IGF1R: variants seen among roughly 807,000 people sequenced by gnomAD.
IGF1R encodes insulin-like growth factor 1 receptor.
In IGF1R, 44 loss-of-function variants were observed where a neutral mutation model predicts 144.6. The observed-to-expected ratio is 0.30, with a 90% CI of 0.24 to 0.39. IGF1R has a LOEUF of 0.39. IGF1R is among the 10% of genes least tolerant of loss of function. IGF1R has a pLI of 1.00. For missense variants in IGF1R, 1,355 were observed against 1,833.7 expected, an observed-to-expected ratio of 0.74 and a Z score of 4.77; for synonymous variants, 795 against 722.8, an observed-to-expected ratio of 1.10 and a Z score of -1.60.
chr15:98,899,669 AG>A, intron 5 of IGF1R, 48 bp downstream of exon 5: 4 of 1,590,150 alleles, frequency 2.5e-6, no homozygotes, highest in Non-Finnish European at 3.5e-6. Context: ...CAAAATAAGC[AG>A]CGTGCTTATG....
Position 98,649,506 on chromosome 15 carries a change from CCTTT to C in IGF1R, c.-75_-72del, listed in dbSNP as rs1387658540. ...GTTTGAGACTTGTTTCCTTTCATTT[CCTTT>C]TTTTCTTTTCTTTTCTTTTTTTTTT... On this transcript the variant is annotated 5_prime_UTR_variant, in exon 1 of 21. Transcript: ENST00000650285. The C allele has an allele frequency of 3.9e-6, 4 of 1,026,524 alleles. No individual in the cohort carries two copies. Among genetic ancestry groups the C allele is most frequent in the African/African-American group, 1.7e-5 (1 of 58,248 alleles). The allele number at this position is 1,026,524 out of a possible 1,614,324, so 63.6% of individuals were successfully genotyped here.
intron 1 of IGF1R, among the ~76,000 whole-genome samples, chr15:98,678,264 G>T (rs1422720334): frequency 6.6e-6 from 1 of 152,064 alleles, no homozygotes; most frequent in Non-Finnish European, 1.5e-5. Context: ...ATTAAATTTG[G>T]TTTGCTAACA....
chr15:98,829,707 A>T (rs115447703), intron 2 of IGF1R, among the ~76,000 whole-genome samples: 1,565 of 152,298 alleles, frequency 0.01, 25 homozygotes, highest in African/African-American at 0.035. Context: ...ATCTTTTTAT[A>T]TGCAGCAATT....
chr15:98,944,511 C>T (rs1284979319), intron 19 of IGF1R, among the ~76,000 whole-genome samples: 2 of 152,218 alleles, frequency 1.3e-5, no homozygotes, highest in Non-Finnish European at 1.5e-5. Flanking sequence ...AAGGCTAGGG[C>T]GTTGGAGCAG....
chr15:98,923,859 C>T lies in IGF1R; in HGVS notation c.2486-17C>T, dbSNP rs772705058. On this transcript the variant is annotated splice_polypyrimidine_tract_variant and intron_variant, in intron 11 of 20. Coordinates refer to ENST00000650285, the MANE Select transcript of IGF1R (RefSeq NM_000875.5). ...GGGAACCCAAATCCAACTTTGTCAC[C>T]TGTTTAAATTGTACAGAAGGAGCAG... 1.9e-6 allele frequency: 3 copies of T among 1,613,090 alleles called. No homozygotes were observed. Among genetic ancestry groups the T allele is most frequent in the South Asian group, 1.1e-5 (1 of 91,044 alleles).
chr15:98,952,842 C>G (rs567893639), intron 20 of IGF1R: 2 of 152,132 alleles, frequency 1.3e-5, no homozygotes, highest in African/African-American at 2.4e-5. Flanking sequence ...GCTTTGCCAT[C>G]GAGAATTTTT....
intron 2 of IGF1R, among the ~76,000 whole-genome samples, chr15:98,786,274 AC>A (rs1330555167): frequency 6.6e-6 from 1 of 152,254 alleles, no homozygotes; most frequent in Non-Finnish European, 1.5e-5. Flanking sequence ...ACCTGAGGGT[AC>A]ATACAGTGTG....
chr15:98,878,998 A>G (rs2013227758), intron 2 of IGF1R, among the ~76,000 whole-genome samples: 1 of 151,610 alleles, frequency 6.6e-6, no homozygotes, highest in African/African-American at 2.4e-5. Flanking sequence ...TCTGACTCAA[A>G]GAAAAAAAAA....
chr15:98,880,410 G>A (rs2013311360), intron 2 of IGF1R, among the ~76,000 whole-genome samples: 1 of 152,126 alleles, frequency 6.6e-6, no homozygotes, highest in South Asian at 2.1e-4. Context: ...ACTCTGCCCA[G>A]CGTTGCGTGT....
intron 2 of IGF1R, among the ~76,000 whole-genome samples, chr15:98,869,208 A>C (rs1344431011): frequency 6.6e-6 from 1 of 152,188 alleles, no homozygotes; most frequent in Non-Finnish European, 1.5e-5. Context: ...ATCCGCCAGG[A>C]AACTCCCTTC....
chr15:98,894,696 G>A (rs2014092808), intron 3 of IGF1R, among the ~76,000 whole-genome samples: 2 of 152,206 alleles, frequency 1.3e-5, no homozygotes, highest in African/African-American at 4.8e-5. Context: ...CTGAGGTCAA[G>A]AGTTTGAGAC....
intron 2 of IGF1R, among the ~76,000 whole-genome samples, chr15:98,777,228 C>G (rs1018487131): frequency 5.3e-5 from 8 of 152,198 alleles, no homozygotes; most frequent in African/African-American, 1.9e-4. Context: ...TTGCACTTGC[C>G]GCAGTGGAGA....
chr15:98,803,144 C>G (rs1353002117), intron 2 of IGF1R, among the ~76,000 whole-genome samples: 2 of 152,138 alleles, frequency 1.3e-5, no homozygotes, highest in African/African-American at 4.8e-5. Flanking sequence ...TATCATTATG[C>G]CAGCATCATA....
intron 2 of IGF1R, among the ~76,000 whole-genome samples, chr15:98,758,357 C>T (rs1056264923): frequency 1.3e-5 from 2 of 152,100 alleles, no homozygotes; most frequent in Non-Finnish European, 2.9e-5. Flanking sequence ...CTTGGTCACC[C>T]TCCCTCAGGC....
At position 98,707,920 on chromosome 15, in the gene IGF1R, C is replaced by T. The variant is rs1355319365; in HGVS notation, c.453C>T (p.Tyr151=). 6.2e-7 allele frequency: 1 copy of T among 1,614,170 alleles called. No homozygotes were observed. Among genetic ancestry groups the T allele is most frequent in the South Asian group, 1.1e-5 (1 of 91,076 alleles). ...TTGAGAAAAATGCTGACCTCTGTTACCTCTCCACTGTGGACTGGTCCCTGA... is the reference window on the plus strand; with the variant it reads ...TTGAGAAAAATGCTGACCTCTGTTATCTCTCCACTGTGGACTGGTCCCTGA... ...IRIEKNADLC[Y]LSTVDWSLIL... is the part of the protein sequence containing the mutation. The change falls in exon 2 of 21, where the codon TAC becomes TAT. Residue 151 remains tyrosine, a synonymous_variant. Coordinates refer to ENST00000650285, the MANE Select transcript of IGF1R (RefSeq NM_000875.5). This position sits in a 1 kb window ranked among gnomAD's most constrained non-coding sequence, Gnocchi z 6.7.
chr15:98,715,111 G>T (rs1320304996), intron 2 of IGF1R, among the ~76,000 whole-genome samples: 5 of 152,192 alleles, frequency 3.3e-5, no homozygotes, highest in African/African-American at 4.8e-5. Context: ...TTAGAAGGGG[G>T]TCACATGCCC....
At chr15:98,675,385 A>G (rs532635160) in intron 1 of IGF1R, among the ~76,000 whole-genome samples, 100 of 152,330 alleles carry the variant, frequency 6.6e-4, no homozygotes, top group Non-Finnish European at 1.3e-3. Context: ...CTAGATTCCT[A>G]AAAGTGGAAA....
intron 2 of IGF1R, among the ~76,000 whole-genome samples, chr15:98,811,211 G>C (rs1295324682): frequency 6.6e-6 from 1 of 152,058 alleles, no homozygotes; most frequent in African/African-American, 2.4e-5. Flanking sequence ...TGAGGCAGGA[G>C]AATCACTTGA....
At chr15:98,888,438 A>AGAGAGTGTGTGTGT (rs1555457179) in intron 2 of IGF1R, among the ~76,000 whole-genome samples, 4,325 of 143,386 alleles carry the variant, frequency 0.03, 92 homozygotes, top group South Asian at 0.066. Context: ...AGAGAGAGAG[A>AGAGAGTGTGTGTGT]GTGTGTGTGT....
Sources: allele counts gnomAD v4.1 joint callset (sites outside exome capture counted in the v4.1 genomes callset), GRCh38; gene constraint gnomAD v4.1.1; non-coding constraint Gnocchi (gnomAD v3.1); transcripts MANE v1.5; gene names NCBI Gene and HGNC (gene_info 2026-07-23, HGNC 2026-07-21).